The following SGCZ variants were observed in gnomAD, a reference collection of about 807,000 sequenced individuals.
SGCZ encodes the protein zeta-sarcoglycan.
Under a neutral mutation model 41.3 loss-of-function variants are expected in SGCZ, and 40 were observed. That is an observed-to-expected ratio of 0.97 (90% CI 0.75 to 1.26). The LOEUF is 1.26. SGCZ is among the 50% of genes most tolerant of loss of function. The pLI is 0.00. For synonymous variants in SGCZ, 206 were observed against 137.5 expected (o/e 1.50, Z -3.49); for missense variants, 552 against 369.8 (o/e 1.49, Z -4.04).
At chr8:14,264,568 G>A (rs73664021) in intron 3 of SGCZ, among the ~76,000 whole-genome samples, 2,174 of 152,214 alleles carry the variant, frequency 0.014, 60 homozygotes, top group African/African-American at 0.049. Context: ...TAACAAAAAT[G>A]GGCTTAGAGC....
chr8:14,542,771 T>A (rs115457069), intron 2 of SGCZ, among the ~76,000 whole-genome samples: 2,460 of 152,190 alleles, frequency 0.016, 65 homozygotes, highest in African/African-American at 0.056. Context: ...GTTGTTATCA[T>A]GGATTTTTTA....
intron 5 of SGCZ, among the ~76,000 whole-genome samples, chr8:14,156,344 C>T (rs1585185812): frequency 6.6e-6 from 1 of 151,772 alleles, no homozygotes; most frequent in East Asian, 1.9e-4. Flanking sequence ...CCTTGTAGTC[C>T]CAGCTACTCA....
intron 5 of SGCZ, among the ~76,000 whole-genome samples, chr8:14,141,580 G>A (rs572129314): frequency 6.6e-6 from 1 of 152,234 alleles, no homozygotes; most frequent in Admixed American, 6.5e-5. Flanking sequence ...CATCATCACT[G>A]GCCATCAGAG....
intron 2 of SGCZ, among the ~76,000 whole-genome samples, chr8:14,326,271 T>C (rs751166989): frequency 9.2e-5 from 14 of 151,970 alleles, no homozygotes; most frequent in Non-Finnish European, 1.3e-4. Flanking sequence ...TTCAGGGATG[T>C]TGTGATCAGT....
At chr8:14,361,369 G>C (rs1029079752) in intron 2 of SGCZ, among the ~76,000 whole-genome samples, 9 of 152,076 alleles carry the variant, frequency 5.9e-5, no homozygotes, top group Admixed American at 4.6e-4. Flanking sequence ...TTTCTTGAAG[G>C]TTTTGTTTCT....
chr8:14,587,133 C>T (rs1805084719), intron 1 of SGCZ, among the ~76,000 whole-genome samples: 1 of 151,826 alleles, frequency 6.6e-6, no homozygotes, highest in African/African-American at 2.4e-5. Flanking sequence ...TATATACCGT[C>T]TCTAATACAT....
intron 1 of SGCZ, among the ~76,000 whole-genome samples, chr8:14,989,088 G>A (rs1029061761): frequency 6.6e-6 from 1 of 152,020 alleles, no homozygotes; most frequent in Admixed American, 6.6e-5. Context: ...CACTCGATGG[G>A]AGAAAAAAAC....
intron 1 of SGCZ, among the ~76,000 whole-genome samples, chr8:15,031,931 CTCTCTCTG>C (rs1466084228): frequency 6.6e-6 from 1 of 151,652 alleles, no homozygotes; most frequent in African/African-American, 2.4e-5. Context: ...CTCTCTCTCT[CTCTCTCTG>C]TCTGTCTGTC....
chr8:14,328,179 C>T (rs1802191484), intron 2 of SGCZ, among the ~76,000 whole-genome samples: 1 of 152,176 alleles, frequency 6.6e-6, no homozygotes, highest in African/African-American at 2.4e-5. Flanking sequence ...CTCTCACACT[C>T]AGGCATTAAG....
intron 1 of SGCZ, among the ~76,000 whole-genome samples, chr8:14,718,611 T>C (rs920619): frequency 0.37 from 55,138 of 150,888 alleles, 12,128 homozygotes; most frequent in African/African-American, 0.6. Flanking sequence ...AATTTAACAA[T>C]GCTTAGAACT....
chr8:15,211,516 C>T (rs1009528318), intron 1 of SGCZ, among the ~76,000 whole-genome samples: 1 of 152,132 alleles, frequency 6.6e-6, no homozygotes, highest in Admixed American at 6.6e-5. Context: ...GCCTCCAATG[C>T]AACAGTCAAA....
intron 1 of SGCZ, among the ~76,000 whole-genome samples, chr8:14,894,740 G>A (rs73517325): frequency 2.0e-5 from 3 of 151,624 alleles, no homozygotes; most frequent in Non-Finnish European, 2.9e-5. Flanking sequence ...TAAAAATGTC[G>A]GTCTTCTTTT....
At chr8:14,981,080 G>T (rs970774521) in intron 1 of SGCZ, among the ~76,000 whole-genome samples, 2 of 151,894 alleles carry the variant, frequency 1.3e-5, no homozygotes, top group African/African-American at 2.4e-5. Flanking sequence ...TTCTTCCCTT[G>T]CTCAGAAATC....
At chr8:14,241,747 A>C (rs1429346919) in intron 3 of SGCZ, among the ~76,000 whole-genome samples, 1 of 152,120 alleles carries the variant, frequency 6.6e-6, no homozygotes, top group East Asian at 1.9e-4. Context: ...AGGCAACGAG[A>C]CTGTTAAGTG....
At chr8:15,075,094 T>G (rs1217662446) in intron 1 of SGCZ, among the ~76,000 whole-genome samples, 2 of 152,012 alleles carry the variant, frequency 1.3e-5, no homozygotes, top group South Asian at 2.1e-4. Flanking sequence ...GTTCAGCTAC[T>G]TGAAATTAAA....
intron 1 of SGCZ, among the ~76,000 whole-genome samples, chr8:14,920,195 A>T (rs1175447613): frequency 6.6e-6 from 1 of 152,130 alleles, no homozygotes; most frequent in Non-Finnish European, 1.5e-5. Flanking sequence ...GAGGGCTGGG[A>T]TTGCTGCCTA....
At position 14,475,970 on chromosome 8, in the gene SGCZ, C is replaced by T. The variant is rs546071419; in HGVS notation, c.234+78762G>A. 2.0e-5 allele frequency among the ~76,000 whole-genome samples: 3 copies of T among 151,786 alleles called. No homozygotes were observed. The East Asian group carries it at 5.8e-4, about 29-fold the overall frequency. ...CCCACTACAGGTTTGCGCCACCATGCCTAGCTATTTTTTTTTTTTTAAGAC... is the reference window on the plus strand; with the variant it reads ...CCCACTACAGGTTTGCGCCACCATGTCTAGCTATTTTTTTTTTTTTAAGAC... On this transcript the variant is annotated intron_variant, in intron 2 of 7. Transcript: ENST00000382080.
intron 1 of SGCZ, among the ~76,000 whole-genome samples, chr8:15,077,540 G>A (rs1805582008): frequency 6.6e-6 from 1 of 152,176 alleles, no homozygotes; most frequent in Non-Finnish European, 1.5e-5. Flanking sequence ...CTAACTGAAG[G>A]AGAAGAAGGG....
Position 15,105,115 on chromosome 8 carries a change from C to A in SGCZ, c.39+132470G>T, listed in dbSNP as rs566991720. 1.8e-3 allele frequency among the ~76,000 whole-genome samples: 270 copies of A among 152,308 alleles called. 2 individuals carry two copies. The highest frequency in any genetic ancestry group is 4.5e-3 in the Admixed American group (69 of 15,296). On this transcript the variant is annotated intron_variant, in intron 1 of 7. Coordinates refer to ENST00000382080, the MANE Select transcript of SGCZ (RefSeq NM_139167.4). The stretch of plus-strand genomic sequence containing the variant: ...TTACTACCTTTGCTATGAAATTAAG[C>A]ATTTTTACAGTTACTGGACACTTGT...
Sources: gnomAD v4.1 joint callset for allele counts (sites outside exome capture counted in the v4.1 genomes callset) on GRCh38, gnomAD v4.1.1 for gene constraint, MANE v1.5 for transcripts, NCBI Gene and HGNC (gene_info 2026-07-23, HGNC 2026-07-21) for gene names.